CPT1A: variants seen among roughly 807,000 people sequenced by gnomAD.
The protein encoded by CPT1A is carnitine O-palmitoyltransferase 1, liver isoform.
In CPT1A, 64 loss-of-function variants were observed where a neutral mutation model predicts 100.8. The ratio of observed to expected loss-of-function variants is 0.63; its 90% CI spans 0.52 to 0.78. The LOEUF (loss-of-function observed/expected upper bound fraction) is 0.78, where lower values mean the gene tolerates loss of function less well. Among genes scored for constraint, CPT1A ranks in the 30% least tolerant of loss-of-function variants. CPT1A has a pLI of 0.00. For synonymous variants in CPT1A, 363 were observed against 396.0 expected, an observed-to-expected ratio of 0.92 and a Z score of 0.99; for missense variants, 802 against 1,034.1, an observed-to-expected ratio of 0.78 and a Z score of 3.08.
At chr11:68,800,224 C>G (rs1437271922) in intron 5 of CPT1A, among the ~76,000 whole-genome samples, 1 of 152,116 alleles carries the variant, frequency 6.6e-6, no homozygotes, top group Admixed American at 6.6e-5. Flanking sequence ...CAGCCCCCAC[C>G]CCGCCTCGTC....
chr11:68,811,253 C>T (rs1302070432), intron 3 of CPT1A, among the ~76,000 whole-genome samples: 1 of 152,102 alleles, frequency 6.6e-6, no homozygotes, highest in East Asian at 1.9e-4. Context: ...CGACCCACCT[C>T]GGTCTCCCAA....
chr11:68,777,870 C>T (rs1221117013), intron 12 of CPT1A, among the ~76,000 whole-genome samples: 2 of 152,116 alleles, frequency 1.3e-5, no homozygotes, highest in African/African-American at 4.8e-5. Context: ...TTATGCTGTG[C>T]AGAGATTTAT....
At chr11:68,772,155 C>A (rs1855006841) in intron 14 of CPT1A, among the ~76,000 whole-genome samples, 1 of 152,188 alleles carries the variant, frequency 6.6e-6, no homozygotes, top group Admixed American at 6.5e-5. Flanking sequence ...AGCTCGAGAC[C>A]AGCCTGCTCA....
intron 16 of CPT1A, 110 bp from the exon 17 acceptor site, chr11:68,760,448 A>C: frequency 1.2e-6 from 1 of 815,782 alleles, no homozygotes; most frequent in African/African-American, 1.7e-5. Context: ...TGTTCCACAC[A>C]CCACAAGTCT....
chr11:68,800,076 G>A (rs974341167), intron 5 of CPT1A, among the ~76,000 whole-genome samples: 4 of 152,136 alleles, frequency 2.6e-5, no homozygotes, highest in Non-Finnish European at 5.9e-5. Flanking sequence ...ACCTGCGATG[G>A]TGACCATGAG....
chr11:68,773,810 A>C, intron 13 of CPT1A: 2 of 314,956 alleles, frequency 6.4e-6, no homozygotes, highest in Non-Finnish European at 1.2e-5. Flanking sequence ...GCTGGTGACC[A>C]GCAGCTTCCC....
At chr11:68,798,688 G>A (rs1855821546) in intron 6 of CPT1A, among the ~76,000 whole-genome samples, 1 of 152,272 alleles carries the variant, frequency 6.6e-6, no homozygotes, top group Admixed American at 6.5e-5. Flanking sequence ...GCGAGCTCGG[G>A]AAGGATGCCC....
intron 1 of CPT1A, among the ~76,000 whole-genome samples, chr11:68,821,736 A>G (rs1294003535): frequency 6.6e-6 from 1 of 152,090 alleles, no homozygotes; most frequent in African/African-American, 2.4e-5. Context: ...AATGTTTTCA[A>G]TCCTTGGTTG....
rs1451283997 is a variant in CPT1A, at chr11:68,781,940, G to A, written c.1183C>T (p.Arg395Cys). The change falls in exon 11 of 19, where the codon CGT (arginine) becomes TGT (cysteine). Residue 395 changes from arginine to cysteine, a missense_variant. By Grantham distance (180) the Arg-to-Cys change is radical. Coordinates refer to ENST00000265641, the MANE Select transcript of CPT1A (RefSeq NM_001876.4). ...TTCCCACGTCCAAAATAGGCCTGAC[G>A]ACACCTGGCCCAGGGAACTCTGCAG... ...AGDRVPWARC[R>C]QAYFGRGKNK... is the part of the protein sequence containing the mutation. 3 of 1,614,156 alleles carry A rather than the reference G, an allele frequency of 1.9e-6. No homozygotes were observed. The highest frequency in any genetic ancestry group is 1.7e-5 in the Admixed American group (1 of 60,014).
intron 1 of CPT1A, among the ~76,000 whole-genome samples, chr11:68,817,647 TGGGGTCAAGGGCAGGAGGCTG>T (rs1856466554): frequency 8.1e-6 from 1 of 124,118 alleles, no homozygotes; most frequent in African/African-American, 3.1e-5. Context: ...GGCAGGAAGC[TGGGGTCAAGGGCAGGAGGCTG>T]GGGGTCAAGG....
chr11:68,773,138 G>A, intron 14 of CPT1A, 127 bp downstream of exon 14: 1 of 1,515,812 alleles, frequency 6.6e-7, no homozygotes, highest in Admixed American at 2.1e-5. Context: ...GGAGACCGGG[G>A]TCGGGGGGAG....
intron 12 of CPT1A, among the ~76,000 whole-genome samples, chr11:68,778,619 C>G (rs1006093413): frequency 6.6e-6 from 1 of 151,156 alleles, no homozygotes; most frequent in Non-Finnish European, 1.5e-5. Context: ...TCACTTGAAC[C>G]GGGGAGGCAG....
chr11:68,823,645 C>T lies in CPT1A; in HGVS notation c.-13-8158G>A, dbSNP rs550989602. On this transcript the variant is annotated intron_variant, in intron 1 of 18. Coordinates refer to ENST00000265641, the MANE Select transcript of CPT1A (RefSeq NM_001876.4). ...CTCTCCTAAAAAATACAAAATTAGCCGGGCATGGTGGTGCATGCCTGTAAT... is the reference window on the plus strand; with the variant it reads ...CTCTCCTAAAAAATACAAAATTAGCTGGGCATGGTGGTGCATGCCTGTAAT... Among the ~76,000 whole-genome samples the T allele has an allele frequency of 6.6e-5, 10 of 151,968 alleles. No individual in the cohort carries two copies. In the South Asian group the frequency reaches 8.3e-4, roughly 13 times the overall value.
At chr11:68,844,153 T>A (rs1028395132), upstream of CPT1A, 2 of 152,254 alleles carry the variant, frequency 1.3e-5, no homozygotes, top group African/African-American at 4.8e-5. Flanking sequence ...ACCTGTGCCA[T>A]GGTGGCCGGG....
intron 5 of CPT1A, among the ~76,000 whole-genome samples, chr11:68,799,686 G>A (rs551814808): frequency 4.6e-5 from 7 of 151,956 alleles, no homozygotes; most frequent in African/African-American, 1.7e-4. Context: ...AGCCCAGAAG[G>A]TTGCGGCTGC....
intron 1 of CPT1A, among the ~76,000 whole-genome samples, chr11:68,819,204 G>A (rs1222877412): frequency 1.3e-5 from 2 of 152,018 alleles, no homozygotes; most frequent in Non-Finnish European, 2.9e-5. Context: ...TCAGCCTCCC[G>A]AGTAGCTGGG....
chr11:68,773,348 C>A lies in CPT1A; in HGVS notation c.1657G>T (p.Ala553Ser). The A allele has an allele frequency of 6.2e-7, 1 of 1,614,208 alleles. No homozygotes were observed. Among genetic ancestry groups the A allele is most frequent in the Non-Finnish European group, 8.5e-7 (1 of 1,180,052 alleles). The change falls in exon 14 of 19, where the codon GCC (alanine) becomes TCC (serine). Residue 553 changes from alanine (A) to serine (S), a missense_variant. Ala to Ser is a moderately conservative substitution (Grantham distance 99, BLOSUM62 1). Transcript: ENST00000265641. ...TTCTTGATGATTCCTTTACCAAAGG[C>A]TACGAATGGGAAGGAATGGAAATCC... ...DVDFHSFPFVAFGKGIIKKCR... is the reference protein window; with the variant it reads ...DVDFHSFPFVSFGKGIIKKCR...
At chr11:68,803,367 G>A (rs1168645680) in intron 5 of CPT1A, among the ~76,000 whole-genome samples, 1 of 152,118 alleles carries the variant, frequency 6.6e-6, no homozygotes, top group South Asian at 2.1e-4. Context: ...GGAAGAATGG[G>A]GAATGACTGC....
At chr11:68,825,927 A>T (rs1000502589) in intron 1 of CPT1A, among the ~76,000 whole-genome samples, 1 of 151,880 alleles carries the variant, frequency 6.6e-6, no homozygotes, top group South Asian at 2.1e-4. Context: ...AGGCCAACCC[A>T]CCCCAGTGAG....
Sources: allele counts gnomAD v4.1 joint callset (sites outside exome capture counted in the v4.1 genomes callset), GRCh38; gene constraint gnomAD v4.1.1; transcripts MANE v1.5; gene names NCBI Gene and HGNC (gene_info 2026-07-23, HGNC 2026-07-21).